Variants in LYN observed in about 807,000 individuals in gnomAD.
LYN encodes LYN proto-oncogene, Src family tyrosine kinase.
LYN carries 12 observed loss-of-function variants against 65.0 expected under a neutral mutation model. The ratio of observed to expected loss-of-function variants is 0.18; its 90% CI spans 0.12 to 0.30. LYN has a LOEUF of 0.30. Ranked by LOEUF, LYN falls within the 10% of genes least tolerant of loss-of-function variation. The pLI, the probability that LYN is intolerant of heterozygous loss-of-function variation, is 1.00. For synonymous variants in LYN, 222 were observed against 221.2 expected (o/e 1.00, Z -0.03); for missense variants, 380 against 623.2 (o/e 0.61, Z 4.16).
chr8:55,978,320 C>T (rs1005237018), intron 10 of LYN, among the ~76,000 whole-genome samples: 5 of 152,178 alleles, frequency 3.3e-5, no homozygotes, highest in Non-Finnish European at 2.9e-5. Flanking sequence ...GAGGATGGGC[C>T]TGAGCGAGGT....
chr8:55,888,145 CTT>C (rs1277969890), intron 1 of LYN, among the ~76,000 whole-genome samples: 1 of 152,202 alleles, frequency 6.6e-6, no homozygotes, highest in African/African-American at 2.4e-5. Flanking sequence ...GTTTAGCAAA[CTT>C]TTCCTGGGTA....
At chr8:55,982,442 A>G (rs1807953690) in intron 10 of LYN, among the ~76,000 whole-genome samples, 1 of 152,144 alleles carries the variant, frequency 6.6e-6, no homozygotes, top group South Asian at 2.1e-4. Flanking sequence ...AGTATTGTCA[A>G]TGGAACCAAT....
chr8:55,957,286 T>C (rs1807146333), intron 8 of LYN, among the ~76,000 whole-genome samples: 1 of 152,246 alleles, frequency 6.6e-6, no homozygotes, highest in African/African-American at 2.4e-5. Flanking sequence ...CTTTTTTGTT[T>C]TTTATTCTAG....
At chr8:55,880,124 C>T (rs1209854672) in intron 1 of LYN, 21 bp downstream of exon 1, 1 of 255,444 alleles carries the variant, frequency 3.9e-6, no homozygotes, top group Non-Finnish European at 7.8e-6. Flanking sequence ...TGCGCGAGCC[C>T]AGGGGTGGGC....
Position 55,949,958 on chromosome 8 carries a change from G to C in LYN, c.285-501G>C, listed in dbSNP as rs77523501. The stretch of plus-strand genomic sequence containing the variant: ...ATTCTCTGCAGCCCTAGGAAACCAC[G>C]AATCTACTTTTTATCTCTGAAGACT... On this transcript the variant is annotated intron_variant, in intron 4 of 12. Transcript: ENST00000519728. 2.0e-4 allele frequency among the ~76,000 whole-genome samples: 30 copies of C among 152,208 alleles called. No individual in the cohort carries two copies. In the South Asian group the frequency reaches 6.2e-3, roughly 32 times the overall value.
At chr8:55,903,359 G>A (rs1805332212) in intron 1 of LYN, among the ~76,000 whole-genome samples, 1 of 152,188 alleles carries the variant, frequency 6.6e-6, no homozygotes, top group Non-Finnish European at 1.5e-5. Flanking sequence ...TTTATTTGAA[G>A]TATTCAAAAG....
intron 10 of LYN, among the ~76,000 whole-genome samples, chr8:55,972,804 C>T (rs1322696384): frequency 6.6e-6 from 1 of 152,202 alleles, no homozygotes; most frequent in South Asian, 2.1e-4. Flanking sequence ...TACCTTCCCC[C>T]CACTTTACTA....
At chr8:55,994,708 T>C (rs1158467445) in intron 10 of LYN, among the ~76,000 whole-genome samples, 1 of 152,226 alleles carries the variant, frequency 6.6e-6, no homozygotes, top group Non-Finnish European at 1.5e-5. Flanking sequence ...CAGCCAGCTT[T>C]GGCTTCTTTG....
chr8:55,960,769 C>G (rs548572282), intron 8 of LYN, among the ~76,000 whole-genome samples: 1 of 152,278 alleles, frequency 6.6e-6, no homozygotes, highest in Non-Finnish European at 1.5e-5. Context: ...CATGGACAAC[C>G]CATTTCATTT....
intron 3 of LYN, 50 bp downstream of exon 3, chr8:55,946,543 G>A: frequency 1.7e-6 from 2 of 1,145,662 alleles, no homozygotes; most frequent in Non-Finnish European, 2.6e-6. Flanking sequence ...TACTATTAGA[G>A]CTTCTATAAA....
chr8:55,970,595 A>G (rs758847770), intron 10 of LYN, among the ~76,000 whole-genome samples: 2 of 152,100 alleles, frequency 1.3e-5, no homozygotes, highest in African/African-American at 2.4e-5. Context: ...TGGTCCCTAT[A>G]GTCTTCCTTT....
intron 1 of LYN, among the ~76,000 whole-genome samples, chr8:55,937,575 C>T (rs1249433769): frequency 2.0e-5 from 3 of 152,166 alleles, no homozygotes; most frequent in Non-Finnish European, 4.4e-5. Flanking sequence ...GAACAAATTT[C>T]AAGAAGTGGA....
intron 1 of LYN, among the ~76,000 whole-genome samples, chr8:55,903,174 G>A (rs1017016513): frequency 4.0e-5 from 6 of 151,782 alleles, no homozygotes; most frequent in Non-Finnish European, 8.8e-5. Flanking sequence ...TATATATTTG[G>A]TAGAGACGGG....
At chr8:55,927,680 C>T (rs567517856) in intron 1 of LYN, among the ~76,000 whole-genome samples, 141 of 152,034 alleles carry the variant, frequency 9.3e-4, no homozygotes, top group African/African-American at 3.2e-3. Context: ...ATTAAAAATA[C>T]AAAAATTAGC....
At chr8:55,935,491 G>C (rs1806402422) in intron 1 of LYN, among the ~76,000 whole-genome samples, 1 of 152,246 alleles carries the variant, frequency 6.6e-6, no homozygotes, top group East Asian at 1.9e-4. Context: ...AGTGATTTAG[G>C]TGCTGGGTGC....
chr8:55,900,282 G>A (rs7012374), intron 1 of LYN, among the ~76,000 whole-genome samples: 5,968 of 152,246 alleles, frequency 0.039, 367 homozygotes, highest in African/African-American at 0.13. Context: ...CAAGCCAGTT[G>A]AGTTTTCTGC....
At chr8:55,954,263 C>G (rs1585634998) in intron 8 of LYN, among the ~76,000 whole-genome samples, 1 of 152,148 alleles carries the variant, frequency 6.6e-6, no homozygotes, top group East Asian at 1.9e-4. Flanking sequence ...TCATGATTCC[C>G]TCATCGCCAG....
chr8:55,936,326 G>A (rs550402547), intron 1 of LYN, among the ~76,000 whole-genome samples: 2 of 152,288 alleles, frequency 1.3e-5, no homozygotes, highest in South Asian at 4.1e-4. Context: ...AAGGCAGCAA[G>A]ACCTTGCATC....
At position 55,960,075 on chromosome 8, in the gene LYN, A is replaced by G. The variant is rs1319288916; in HGVS notation, c.790+6091A>G. On this transcript the variant is annotated intron_variant, in intron 8 of 12. Coordinates refer to ENST00000519728, the MANE Select transcript of LYN (RefSeq NM_002350.4). ...GATTTCTTTTTGGAGTCATGACAAC[A>G]TTCTAAAGCTAATTGTGGTGATGAT... Among the ~76,000 whole-genome samples the G allele has an allele frequency of 2.0e-5, 3 of 152,236 alleles. No homozygotes were observed. In the East Asian group the frequency reaches 5.8e-4, roughly 29 times the overall value.
Sources: allele counts gnomAD v4.1 joint callset (sites outside exome capture counted in the v4.1 genomes callset), GRCh38; gene constraint gnomAD v4.1.1; transcripts MANE v1.5; gene names NCBI Gene and HGNC (gene_info 2026-07-23, HGNC 2026-07-21).